Variants in C2orf80 observed in about 807,000 individuals in gnomAD.
C2orf80 encodes the protein uncharacterized protein C2orf80.
A neutral mutation model predicts 30.2 loss-of-function variants in C2orf80; 28 were observed. The observed-to-expected ratio is 0.93, with a 90% CI of 0.69 to 1.27. The LOEUF is 1.27. C2orf80 is among the 50% of genes most tolerant of loss of function. C2orf80 has a pLI of 0.00. For synonymous variants in C2orf80, 80 were observed against 76.4 expected, an observed-to-expected ratio of 1.05 and a Z score of -0.24; for missense variants, 220 against 231.0, an observed-to-expected ratio of 0.95 and a Z score of 0.31.
chr2:208,172,639 A>T (rs1358649727), intron 6 of C2orf80, among the ~76,000 whole-genome samples: 6 of 152,208 alleles, frequency 3.9e-5, no homozygotes, highest in African/African-American at 1.4e-4. Flanking sequence ...AGACTGACAA[A>T]ACTGAAAAAG....
At chr2:208,169,715 A>G (rs76075865) in intron 8 of C2orf80, among the ~76,000 whole-genome samples, 2 of 3,592 alleles carry the variant, frequency 5.6e-4, no homozygotes, top group African/African-American at 1.1e-3. Context: ...TCTGTCTCAA[A>G]AAAAAAAAAA....
chr2:208,176,079 C>A (rs1002089103), intron 6 of C2orf80, among the ~76,000 whole-genome samples: 1 of 152,126 alleles, frequency 6.6e-6, no homozygotes, highest in African/African-American at 2.4e-5. Context: ...TAATAATACA[C>A]GTGGATGCTT....
chr2:208,176,368 G>A (rs1696293634), intron 6 of C2orf80, among the ~76,000 whole-genome samples: 1 of 152,174 alleles, frequency 6.6e-6, no homozygotes, highest in South Asian at 2.1e-4. Context: ...TAGAGATGGG[G>A]TTTCACCATG....
At chr2:208,189,605 C>T (rs1032423365) in intron 1 of C2orf80, among the ~76,000 whole-genome samples, 1 of 152,168 alleles carries the variant, frequency 6.6e-6, no homozygotes, top group African/African-American at 2.4e-5. Context: ...CTAAAGAAGG[C>T]CATTTGCATG....
At chr2:208,176,644 G>T (rs73065236) in intron 6 of C2orf80, among the ~76,000 whole-genome samples, 1 of 151,774 alleles carries the variant, frequency 6.6e-6, no homozygotes, top group Non-Finnish European at 1.5e-5. Context: ...AAACACTAAG[G>T]GCTTCACTGA....
chr2:208,174,284 T>G (rs1221524235), intron 6 of C2orf80, among the ~76,000 whole-genome samples: 14 of 152,160 alleles, frequency 9.2e-5, no homozygotes. Context: ...ATTGAACTTT[T>G]GTTTAAAACA....
intron 8 of C2orf80, among the ~76,000 whole-genome samples, chr2:208,166,107 A>T (rs1169399081): frequency 6.6e-6 from 1 of 152,230 alleles, no homozygotes; most frequent in East Asian, 1.9e-4. Context: ...ATTGGTGTAT[A>T]GAGAGTACAT....
chr2:208,180,058 T>C (rs1696505168), intron 6 of C2orf80, among the ~76,000 whole-genome samples: 1 of 152,176 alleles, frequency 6.6e-6, no homozygotes, highest in African/African-American at 2.4e-5. Context: ...TTGTGGATCT[T>C]GTCCTAGTTC....
intron 3 of C2orf80, among the ~76,000 whole-genome samples, chr2:208,183,929 G>A (rs985143370): frequency 6.6e-6 from 1 of 152,124 alleles, no homozygotes; most frequent in Non-Finnish European, 1.5e-5. Context: ...TCTCCTTTCA[G>A]TCCCCACACA....
In C2orf80 at chr2:208,180,773, T is replaced by A; in HGVS notation, c.338A>T (p.Asp113Val). ...IEEVFKIYGA[D>V]SSADSGTIKV... ...GATGGTACCAGAATCGGCAGAAGAA[T>A]CAGCCCCATAAATTTTAAAGACTTC... is the stretch of plus-strand genomic sequence containing the variant. The change falls in exon 6 of 9, where the codon GAT becomes GTT. Residue 113 changes from aspartate (D) to valine (V), a missense_variant. Asp to Val is a radical substitution (Grantham distance 152). Coordinates refer to ENST00000341287, the MANE Select transcript of C2orf80 (RefSeq NM_001099334.3). 1 of 1,613,776 alleles carries A rather than the reference T, an allele frequency of 6.2e-7. No homozygotes were observed. Among genetic ancestry groups the A allele is most frequent in the Non-Finnish European group, 8.5e-7 (1 of 1,179,806 alleles).
At chr2:208,174,469 T>C (rs113065551) in intron 6 of C2orf80, among the ~76,000 whole-genome samples, 11 of 152,124 alleles carry the variant, frequency 7.2e-5, no homozygotes, top group South Asian at 2.1e-4. Context: ...AGGGTGGTCA[T>C]CCCGAGTGGG....
chr2:208,175,007 G>A (rs529774231), intron 6 of C2orf80, among the ~76,000 whole-genome samples: 7 of 152,268 alleles, frequency 4.6e-5, no homozygotes, highest in Admixed American at 4.6e-4. Context: ...ATGGTCGGGC[G>A]CGGTGGCTCA....
At chr2:208,173,820 C>T (rs886408206) in intron 6 of C2orf80, among the ~76,000 whole-genome samples, 1 of 152,048 alleles carries the variant, frequency 6.6e-6, no homozygotes, top group East Asian at 1.9e-4. Flanking sequence ...AGCTTTAAAG[C>T]TGTTAATACT....
intron 6 of C2orf80, among the ~76,000 whole-genome samples, chr2:208,176,976 TA>T (rs1351448121): frequency 3.3e-3 from 366 of 111,590 alleles, no homozygotes; most frequent in African/African-American, 0.011. Context: ...TATACATATA[TA>T]CAGAAATGTA....
chr2:208,181,968 A>G (rs1696576292), intron 4 of C2orf80, among the ~76,000 whole-genome samples: 1 of 152,182 alleles, frequency 6.6e-6, no homozygotes, highest in African/African-American at 2.4e-5. Context: ...TTTCAGATAC[A>G]AGGGCAATAA....
intron 8 of C2orf80, among the ~76,000 whole-genome samples, chr2:208,166,464 C>A (rs1695891079): frequency 6.6e-6 from 1 of 152,184 alleles, no homozygotes; most frequent in South Asian, 2.1e-4. Flanking sequence ...CTACCCAAAG[C>A]AAATCAGTTT....
At chr2:208,173,666 T>G (rs1696184958) in intron 6 of C2orf80, among the ~76,000 whole-genome samples, 1 of 151,814 alleles carries the variant, frequency 6.6e-6, no homozygotes, top group Admixed American at 6.6e-5. Flanking sequence ...ACTCAAAAAA[T>G]GTGCAAAATT....
At chr2:208,174,473 G>A (rs1229907507) in intron 6 of C2orf80, among the ~76,000 whole-genome samples, 1 of 152,138 alleles carries the variant, frequency 6.6e-6, no homozygotes, top group Admixed American at 6.6e-5. Flanking sequence ...TGGTCATCCC[G>A]AGTGGGGGCG....
intron 8 of C2orf80, among the ~76,000 whole-genome samples, chr2:208,169,470 G>A (rs1696023011): frequency 6.6e-6 from 1 of 152,054 alleles, no homozygotes; most frequent in Non-Finnish European, 1.5e-5. Context: ...AGTGGCTCAC[G>A]CCTGTAATCC....
Sources: gnomAD v4.1 joint callset for allele counts (sites outside exome capture counted in the v4.1 genomes callset) on GRCh38, gnomAD v4.1.1 for gene constraint, MANE v1.5 for transcripts, NCBI Gene and HGNC (gene_info 2026-07-23, HGNC 2026-07-21) for gene names.